The following USP16 variants were observed in gnomAD, a reference collection of about 807,000 sequenced individuals.
The protein encoded by USP16 is ubiquitin carboxyl-terminal hydrolase 16.
Under a neutral mutation model 95.9 loss-of-function variants are expected in USP16, and 77 were observed. The ratio of observed to expected loss-of-function variants is 0.80; its 90% CI spans 0.67 to 0.97. The LOEUF (loss-of-function observed/expected upper bound fraction) is 0.97, where lower values mean the gene tolerates loss of function less well. Ranked by LOEUF, USP16 falls within the 50% of genes least tolerant of loss-of-function variation. USP16 has a pLI of 0.00. For missense variants in USP16, 943 were observed against 959.9 expected (o/e 0.98, Z 0.23); for synonymous variants, 303 against 318.2 (o/e 0.95, Z 0.51).
intron 2 of USP16, 24 bp from the exon 3 acceptor site, chr21:29,030,571 C>A: frequency 1.3e-6 from 2 of 1,531,990 alleles, no homozygotes; most frequent in Admixed American, 2.2e-5. Flanking sequence ...TTATATATTC[C>A]TTGTCTATTA....
chr21:29,031,056 G>C (rs937579724), intron 3 of USP16, among the ~76,000 whole-genome samples: 1 of 152,200 alleles, frequency 6.6e-6, no homozygotes, highest in African/African-American at 2.4e-5. Context: ...CCTGAATTGA[G>C]GCAAGGAGCT....
At chr21:29,053,678 T>G in intron 16 of USP16, 124 bp from the exon 17 acceptor site, 1 of 941,664 alleles carries the variant, frequency 1.1e-6, no homozygotes, top group South Asian at 1.7e-5. Context: ...AGTAGACTCA[T>G]GAATGATTTC....
At chr21:29,040,740 T>G in intron 10 of USP16, 53 bp downstream of exon 10, 2 of 937,088 alleles carry the variant, frequency 2.1e-6, no homozygotes, top group Non-Finnish European at 3.2e-6. Context: ...CTCTGTACCT[T>G]AGGACAAGAT....
chr21:29,029,665 C>T (rs1028101528), intron 2 of USP16, among the ~76,000 whole-genome samples: 1 of 152,172 alleles, frequency 6.6e-6, no homozygotes, highest in Non-Finnish European at 1.5e-5. Flanking sequence ...TTTTCAGCCT[C>T]AGGTTCAACT....
chr21:29,027,911 A>T lies in USP16; in HGVS notation c.-3A>T. 1 of 1,613,662 alleles carries T rather than the reference A, an allele frequency of 6.2e-7. No individual in the cohort carries two copies. The highest frequency in any genetic ancestry group is 8.5e-7 in the Non-Finnish European group (1 of 1,179,756). ...GTCAGTAAGTAATCCATAAAGTGCC[A>T]ACATGGGAAAGAAACGGACAAAGGG... On this transcript the variant is annotated 5_prime_UTR_variant, in exon 2 of 18. Transcript: ENST00000399976.
chr21:29,032,388 C>T (rs1321984267), intron 3 of USP16, among the ~76,000 whole-genome samples: 2 of 152,058 alleles, frequency 1.3e-5, no homozygotes, highest in African/African-American at 4.8e-5. Flanking sequence ...CATGCCACCA[C>T]TCCTGGCTAA....
Position 29,036,279 on chromosome 21 carries a change from T to C in USP16, c.353T>C (p.Val118Ala), listed in dbSNP as rs2085155254. 1 of 1,610,128 alleles carries C rather than the reference T, an allele frequency of 6.2e-7. No individual in the cohort carries two copies. Among genetic ancestry groups the C allele is most frequent in the East Asian group, 2.2e-5 (1 of 44,724 alleles). Reference sequence around the variant, plus strand: ...TGATTTTTGGGTCACAGGTGTTACGTATGTGATAATGAGGTCCAGTATTGT... The same window carrying C: ...TGATTTTTGGGTCACAGGTGTTACGCATGTGATAATGAGGTCCAGTATTGT... ...SLDNWSVWCY[V>A]CDNEVQYCSS... is the part of the protein sequence containing the mutation. Residue 118 changes from valine (V) to alanine (A), a missense_variant, in exon 5 of 18, where the codon GTA becomes GCA. By Grantham distance (64) the Val-to-Ala change is moderately conservative. Transcript: ENST00000399976.
At position 29,037,393 on chromosome 21, in the gene USP16, C is replaced by T. The variant is rs1601053292; in HGVS notation, c.566C>T (p.Ser189Phe). 3 of 1,609,662 alleles carry T rather than the reference C, an allele frequency of 1.9e-6. No homozygotes were observed. In the East Asian group the frequency reaches 6.7e-5, roughly 36 times the overall value. The change falls in exon 6 of 18, where the codon TCT becomes TTT. Residue 189 changes from serine (S) to phenylalanine (F), a missense_variant. Ser to Phe is a radical substitution (Grantham distance 155, BLOSUM62 -2). Transcript: ENST00000399976. ...GCTAAAGAGAATCCTCCCATGAATT[C>T]TCCTTGCCAAATAACCGTGAAAGGA... ...NMAKENPPMN[S>F]PCQITVKGLS...
chr21:29,053,825 G>A lies in USP16; in HGVS notation c.2217G>A (p.Arg739=), dbSNP rs766206100. 4 of 1,613,070 alleles carry A rather than the reference G, an allele frequency of 2.5e-6. No individual in the cohort carries two copies. The highest frequency in any genetic ancestry group is 1.1e-5 in the South Asian group (1 of 90,760). The change falls in exon 17 of 18, where the codon AGG becomes AGA. Residue 739 remains arginine (R), a synonymous_variant. Coordinates refer to ENST00000399976, the MANE Select transcript of USP16 (RefSeq NM_006447.3). The part of the protein sequence containing the change: ...KCKNVAEENT[R]VLYSLYGVVE... The stretch of plus-strand genomic sequence containing the variant: ...AGAATGTTGCAGAAGAAAATACAAG[G>A]GTACTCTATTCCTTATATGGAGTTG...
Position 29,050,173 on chromosome 21 carries a change from TGTAAG to T in USP16, c.2193+1_2193+5del, listed in dbSNP as rs1338661110. Reference sequence around the variant, plus strand: ...TTTGGCTCCTTTTTGCACCCTTAAATGTAAGGTAAGTCAAAGTGGTCTTTTTCAGG... The same window carrying T: ...TTTGGCTCCTTTTTGCACCCTTAAATGTAAGTCAAAGTGGTCTTTTTCAGG... On this transcript the variant is annotated frameshift_variant and splice_region_variant, in exon 16 of 18. Coordinates refer to ENST00000399976, the MANE Select transcript of USP16 (RefSeq NM_006447.3). LOFTEE classifies it high-confidence loss of function. 4 of 1,613,074 alleles carry T rather than the reference TGTAAG, an allele frequency of 2.5e-6. No homozygotes were observed. The South Asian group carries it at 4.4e-5, about 18-fold the overall frequency.
In USP16 at chr21:29,047,111, C is replaced by T; in HGVS notation, c.1801C>T (p.Pro601Ser). ...AGAGATTCTGAATGATAGTCATACTCCTGGAACAAAGGTGTATGAGGTTGT... is the reference window on the plus strand; with the variant it reads ...AGAGATTCTGAATGATAGTCATACTTCTGGAACAAAGGTGTATGAGGTTGT... ...NIEILNDSHTPGTKVYEVVNE... is the reference protein window; with the variant it reads ...NIEILNDSHTSGTKVYEVVNE... Residue 601 changes from proline to serine, a missense_variant, in exon 14 of 18, where the codon CCT (proline) becomes TCT (serine). By Grantham distance (74) the Pro-to-Ser change is moderately conservative. Transcript: ENST00000399976. 3 of 1,614,034 alleles carry T rather than the reference C, an allele frequency of 1.9e-6. No homozygotes were observed. The highest frequency in any genetic ancestry group is 1.1e-5 in the South Asian group (1 of 91,070).
At chr21:29,044,340 G>A (rs997657661) in intron 13 of USP16, among the ~76,000 whole-genome samples, 1 of 151,634 alleles carries the variant, frequency 6.6e-6, no homozygotes, top group Non-Finnish European at 1.5e-5. Flanking sequence ...ATGCAGTCTT[G>A]GTTTTTTTCC....
In USP16 at chr21:29,039,051, C is replaced by A; in HGVS notation, c.758C>A (p.Pro253His). The change falls in exon 8 of 18, where the codon CCT (proline) becomes CAT (histidine). Residue 253 changes from proline to histidine, a missense_variant. Transcript: ENST00000399976. ...GAACCATTAGAAATAAACCTTGAGC[C>A]TCCAGGCCCTCTTACTTTAGCCATG... Reference protein sequence around the residue: ...LTEPLEINLEPPGPLTLAMSQ... With the variant: ...LTEPLEINLEHPGPLTLAMSQ... 1 of 1,577,034 alleles carries A rather than the reference C, an allele frequency of 6.3e-7. No individual in the cohort carries two copies. The highest frequency in any genetic ancestry group is 2.3e-5 in the East Asian group (1 of 42,878).
chr21:29,052,491 C>G (rs1156783658), intron 16 of USP16: 1 of 152,134 alleles, frequency 6.6e-6, no homozygotes. Flanking sequence ...GGCTTATTCA[C>G]TATCAAGAAT....
At position 29,053,923 on chromosome 21, in the gene USP16, T is replaced by A. The variant is rs893052065; in HGVS notation, c.2315T>A (p.Leu772His). ...YAKARTANSH[L>H]SNLVLHGDIP... is the part of the protein sequence containing the mutation. ...AAGGCAAGAACCGCAAATAGTCATC[T>A]CTCTAATCTTGTTCTTCACGGTGAT... Residue 772 changes from leucine (L) to histidine (H), a missense_variant, in exon 17 of 18, where the codon CTC becomes CAC. Leu to His is a moderately conservative substitution (Grantham distance 99). Transcript: ENST00000399976. The A allele has an allele frequency of 4.3e-6, 7 of 1,614,224 alleles. No individual in the cohort carries two copies. Among genetic ancestry groups the A allele is most frequent in the Non-Finnish European group, 5.9e-6 (7 of 1,180,036 alleles).
intron 1 of USP16, chr21:29,025,611 G>GT (rs940188814): frequency 3.7e-6 from 1 of 269,568 alleles, no homozygotes; most frequent in African/African-American, 2.3e-5. Flanking sequence ...TTCCTATGGA[G>GT]TCTAAGCTGC....
intron 13 of USP16, among the ~76,000 whole-genome samples, chr21:29,045,528 C>T (rs2085309493): frequency 1.3e-5 from 2 of 151,942 alleles, no homozygotes; most frequent in South Asian, 4.1e-4. Flanking sequence ...CCAAAGCAGT[C>T]CTGTACTTGT....
Position 29,027,738 on chromosome 21 carries a change from A to G in USP16, c.-41-135A>G, listed in dbSNP as rs562721156. On this transcript the variant is annotated intron_variant, in intron 1 of 17. Coordinates refer to ENST00000399976, the MANE Select transcript of USP16 (RefSeq NM_006447.3). ...AGTTCCTGTTGAAAATTAGATGATT[A>G]TATGTGATTGGTCTTTGTAAATTAC... The G allele has an allele frequency of 7.3e-5, 49 of 670,082 alleles. No individual in the cohort carries two copies. The South Asian group carries it at 8.0e-4, about 11-fold the overall frequency. The allele number at this position is 670,082 out of a possible 1,614,324, so 41.5% of individuals were successfully genotyped here. A position where few individuals can be genotyped will look rare whatever the true frequency, so the allele number is the denominator to read the frequency against.
intron 3 of USP16, among the ~76,000 whole-genome samples, chr21:29,032,557 A>G (rs2085093382): frequency 6.6e-6 from 1 of 152,170 alleles, no homozygotes; most frequent in African/African-American, 2.4e-5. Context: ...ACTCAGCATA[A>G]TCACCCAAAG....
Sources: allele counts gnomAD v4.1 joint callset (sites outside exome capture counted in the v4.1 genomes callset), GRCh38; gene constraint gnomAD v4.1.1; transcripts MANE v1.5; gene names NCBI Gene and HGNC (gene_info 2026-07-23, HGNC 2026-07-21).